CNTN4: variants seen among roughly 807,000 people sequenced by gnomAD.
CNTN4 encodes contactin 4, also known as contactin-4.
Under a neutral mutation model 122.5 loss-of-function variants are expected in CNTN4, and 77 were observed. That is an observed-to-expected ratio of 0.63 (90% CI 0.52 to 0.76). CNTN4 has a LOEUF of 0.76. Ranked by LOEUF, CNTN4 falls within the 30% of genes least tolerant of loss-of-function variation. The pLI is 0.00. For synonymous variants in CNTN4, 512 were observed against 447.0 expected (o/e 1.15, Z -1.83); for missense variants, 1,256 against 1,259.1 (o/e 1.00, Z 0.04).
At position 2,920,087 on chromosome 3, in the gene CNTN4, G is replaced by A. The variant is rs558864185; in HGVS notation, c.1208-5542G>A. ...GTATTTGTCAGTTTTCATAGAGCCC[G>A]AAGTGCCGATATTGAAGATGTATTT... is the stretch of plus-strand genomic sequence containing the variant. On this transcript the variant is annotated intron_variant, in intron 12 of 24. Transcript: ENST00000418658. 3.9e-5 allele frequency among the ~76,000 whole-genome samples: 6 copies of A among 151,958 alleles called. No homozygotes were observed. The South Asian group carries it at 6.2e-4, about 16-fold the overall frequency.
At chr3:2,226,934 T>C (rs1159399838) in intron 2 of CNTN4, among the ~76,000 whole-genome samples, 1 of 152,180 alleles carries the variant, frequency 6.6e-6, no homozygotes, top group African/African-American at 2.4e-5. Flanking sequence ...ATTATTTCCA[T>C]TTTATAAATG....
intron 7 of CNTN4, among the ~76,000 whole-genome samples, chr3:2,824,472 A>C (rs1056857807): frequency 6.6e-6 from 1 of 151,750 alleles, no homozygotes; most frequent in Non-Finnish European, 1.5e-5. Flanking sequence ...AAACAAAAAC[A>C]AAAACAAAAA....
intron 4 of CNTN4, among the ~76,000 whole-genome samples, chr3:2,598,249 A>G (rs913423764): frequency 1.3e-5 from 2 of 152,186 alleles, no homozygotes; most frequent in African/African-American, 4.8e-5. Flanking sequence ...CACTGAGCCC[A>G]GTTGGCAATG....
chr3:2,944,275 G>A (rs1265692367), intron 13 of CNTN4, among the ~76,000 whole-genome samples: 2 of 151,772 alleles, frequency 1.3e-5, no homozygotes, highest in East Asian at 3.9e-4. Flanking sequence ...GAGATAACTA[G>A]AGCATAAATT....
intron 3 of CNTN4, among the ~76,000 whole-genome samples, chr3:2,463,868 T>C (rs1468079217): frequency 6.6e-6 from 1 of 152,210 alleles, no homozygotes; most frequent in Non-Finnish European, 1.5e-5. Context: ...TGATATGTCA[T>C]GCATCTTACT....
chr3:2,748,538 C>G (rs1294650709), intron 6 of CNTN4, among the ~76,000 whole-genome samples: 1 of 152,124 alleles, frequency 6.6e-6, no homozygotes, highest in Non-Finnish European at 1.5e-5. Context: ...CAGCATGTCA[C>G]TAGAGAATTT....
rs565079347 is a variant in CNTN4 at position 2,819,220 on chromosome 3, A to G, written c.359-266A>G. Among the ~76,000 whole-genome samples, 6 of 152,324 alleles carry G rather than the reference A, an allele frequency of 3.9e-5. No homozygotes were observed. In the South Asian group the frequency reaches 1.2e-3, roughly 32 times the overall value. On this transcript the variant is annotated intron_variant, in intron 6 of 24. Transcript: ENST00000418658. ...TTGAAATGTGACTAGTGTCTGAGGA[A>G]CTGAATTATAAATTGTATTTAATTT... is the stretch of plus-strand genomic sequence containing the variant.
At chr3:2,653,895 T>C (rs1472130331) in intron 4 of CNTN4, among the ~76,000 whole-genome samples, 1 of 152,192 alleles carries the variant, frequency 6.6e-6, no homozygotes, top group East Asian at 1.9e-4. Context: ...TTTATGTGAT[T>C]TGTGGTTTTG....
At position 3,056,144 on chromosome 3, in the gene CNTN4, C is replaced by T; in HGVS notation, c.3005C>T (p.Ala1002Val). The change falls in exon 25 of 25, where the codon GCT (alanine) becomes GTT (valine). Residue 1002 changes from alanine (A) to valine (V), a missense_variant. Transcript: ENST00000418658. ...ISNAYARGSGASTSNACTLSA... is the reference protein window; with the variant it reads ...ISNAYARGSGVSTSNACTLSA... Reference sequence around the variant, plus strand: ...GATGCCTACGCGAGAGGATCTGGGGCTTCCACTTCGAATGCATGTACGCTG... The same window carrying T: ...GATGCCTACGCGAGAGGATCTGGGGTTTCCACTTCGAATGCATGTACGCTG... 6.2e-7 allele frequency: 1 copy of T among 1,614,032 alleles called. No individual in the cohort carries two copies. The highest frequency in any genetic ancestry group is 8.5e-7 in the Non-Finnish European group (1 of 1,179,894).
At chr3:2,819,983 C>G (rs547540878) in intron 7 of CNTN4, among the ~76,000 whole-genome samples, 1 of 152,216 alleles carries the variant, frequency 6.6e-6, no homozygotes, top group African/African-American at 2.4e-5. Flanking sequence ...CTTCTGACAC[C>G]AAATGTATGG....
intron 4 of CNTN4, among the ~76,000 whole-genome samples, chr3:2,635,780 G>A (rs2082634192): frequency 6.6e-6 from 1 of 152,120 alleles, no homozygotes; most frequent in Non-Finnish European, 1.5e-5. Context: ...GACCCTCCCA[G>A]TCTTAAAACT....
At chr3:2,196,754 A>C (rs534906603) in intron 2 of CNTN4, among the ~76,000 whole-genome samples, 1 of 152,198 alleles carries the variant, frequency 6.6e-6, no homozygotes, top group South Asian at 2.1e-4. Context: ...TATGAAAAAG[A>C]AATGCCTGGG....
At chr3:2,924,609 G>T (rs1217528137) in intron 12 of CNTN4, among the ~76,000 whole-genome samples, 3 of 152,016 alleles carry the variant, frequency 2.0e-5, no homozygotes, top group Non-Finnish European at 4.4e-5. Context: ...TTTGTTTTAG[G>T]AAAGAAATAA....
intron 7 of CNTN4, among the ~76,000 whole-genome samples, chr3:2,865,871 C>T (rs1349409892): frequency 2.0e-5 from 3 of 152,186 alleles, no homozygotes; most frequent in Non-Finnish European, 4.4e-5. Flanking sequence ...TTCAAAGGAA[C>T]ATTTTTGATA....
chr3:2,104,263 A>G (rs1008288654), intron 2 of CNTN4, among the ~76,000 whole-genome samples: 1 of 148,496 alleles, frequency 6.7e-6, no homozygotes. Flanking sequence ...TGTGCGTTTC[A>G]AGTCCCTTCT....
intron 3 of CNTN4, among the ~76,000 whole-genome samples, chr3:2,564,398 A>G (rs1456700709): frequency 6.6e-6 from 1 of 152,180 alleles, no homozygotes; most frequent in Non-Finnish European, 1.5e-5. Context: ...CAATATATCT[A>G]AAACAATTTT....
intron 3 of CNTN4, among the ~76,000 whole-genome samples, chr3:2,569,333 G>T (rs1413995394): frequency 1.3e-5 from 2 of 152,172 alleles, no homozygotes; most frequent in Non-Finnish European, 2.9e-5. Flanking sequence ...TTATTAAGTA[G>T]CTTGTGTTGG....
At chr3:2,179,149 C>T (rs1032108827) in intron 2 of CNTN4, among the ~76,000 whole-genome samples, 7 of 152,074 alleles carry the variant, frequency 4.6e-5, no homozygotes, top group African/African-American at 1.7e-4. Flanking sequence ...TTATCTCTAA[C>T]AAAGCTGCGC....
At chr3:2,680,970 G>C (rs989823492) in intron 4 of CNTN4, among the ~76,000 whole-genome samples, 6 of 152,204 alleles carry the variant, frequency 3.9e-5, no homozygotes, top group Non-Finnish European at 8.8e-5. Flanking sequence ...ATTTAAACTT[G>C]GATATGTTAT....
Sources: allele counts gnomAD v4.1 joint callset (sites outside exome capture counted in the v4.1 genomes callset), GRCh38; gene constraint gnomAD v4.1.1; transcripts MANE v1.5; gene names NCBI Gene and HGNC (gene_info 2026-07-23, HGNC 2026-07-21).